The following ACACA variants were observed in gnomAD, a reference collection of about 807,000 sequenced individuals.
ACACA encodes acetyl-CoA carboxylase 1.
A neutral mutation model predicts 296.1 loss-of-function variants in ACACA; 103 were observed. That is an observed-to-expected ratio of 0.35 (90% CI 0.30 to 0.41). The LOEUF (loss-of-function observed/expected upper bound fraction) is 0.41. Among genes scored for constraint, ACACA ranks in the 10% least tolerant of loss-of-function variants. The pLI is 1.00. For synonymous variants in ACACA, 953 were observed against 1,038.6 expected (o/e 0.92, Z 1.58); for missense variants, 1,554 against 2,989.7 (o/e 0.52, Z 11.20).
chr17:37,251,805 C>T (rs1260126789), intron 16 of ACACA, among the ~76,000 whole-genome samples, 200 bp downstream of exon 16: 1 of 152,086 alleles, frequency 6.6e-6, no homozygotes, highest in Non-Finnish European at 1.5e-5. Context: ...AAGTTAATGT[C>T]TAGAATCTGC....
intron 3 of ACACA, among the ~76,000 whole-genome samples, chr17:37,309,999 A>AC (rs1567976780): frequency 6.6e-6 from 1 of 152,106 alleles, no homozygotes; most frequent in African/African-American, 2.4e-5. Flanking sequence ...TCCTGTTTGC[A>AC]CTACTCCAGC....
intron 42 of ACACA, among the ~76,000 whole-genome samples, chr17:37,160,237 A>C (rs1180676415): frequency 6.6e-6 from 1 of 152,250 alleles, no homozygotes; most frequent in Non-Finnish European, 1.5e-5. Context: ...GCTGATGCAC[A>C]AAAGAGCAGG....
chr17:37,368,546 A>C (rs866031893), intron 1 of ACACA, among the ~76,000 whole-genome samples: 4 of 152,134 alleles, frequency 2.6e-5, no homozygotes, highest in East Asian at 3.8e-4. Flanking sequence ...GCGCCATTGC[A>C]CTCCAGCCTG....
intron 51 of ACACA, among the ~76,000 whole-genome samples, chr17:37,112,683 C>CT (rs1054322536): frequency 6.6e-6 from 1 of 152,128 alleles, no homozygotes; most frequent in Non-Finnish European, 1.5e-5. Flanking sequence ...AAGGCTGAAT[C>CT]TGGGGGGACA....
At chr17:37,275,817 C>G in intron 8 of ACACA, 134 bp downstream of exon 8, 1 of 799,416 alleles carries the variant, frequency 1.3e-6, no homozygotes, top group Non-Finnish European at 2.2e-6. Flanking sequence ...AAGCTAGGAG[C>G]TACAAGGTAC....
chr17:37,238,299 T>TA (rs1414801500), intron 24 of ACACA, among the ~76,000 whole-genome samples: 2 of 148,022 alleles, frequency 1.4e-5, no homozygotes, highest in Admixed American at 6.8e-5. Context: ...TTTTTTTTTT[T>TA]AAATGAATAA....
At chr17:37,231,671 C>T (rs2079864703) in intron 25 of ACACA, among the ~76,000 whole-genome samples, 1 of 152,164 alleles carries the variant, frequency 6.6e-6, no homozygotes, top group African/African-American at 2.4e-5. Flanking sequence ...TGGTTTATAG[C>T]ATGTTCATGT....
intron 45 of ACACA, among the ~76,000 whole-genome samples, chr17:37,134,861 CTAGATAT>C (rs1237795594): frequency 6.6e-6 from 1 of 152,088 alleles, no homozygotes; most frequent in African/African-American, 2.4e-5. Flanking sequence ...ATCCATGATT[CTAGATAT>C]TAAAGTCACT....
At chr17:37,139,243 T>C (rs1310445485) in intron 45 of ACACA, among the ~76,000 whole-genome samples, 1 of 152,142 alleles carries the variant, frequency 6.6e-6, no homozygotes, top group Non-Finnish European at 1.5e-5. Flanking sequence ...CAGAGCTAAG[T>C]GGGCCCTTAG....
At chr17:37,275,188 T>C (rs150897962) in intron 8 of ACACA, among the ~76,000 whole-genome samples, 82 of 152,066 alleles carry the variant, frequency 5.4e-4, no homozygotes, top group African/African-American at 1.8e-3. Flanking sequence ...CATCAATAGA[T>C]TGTGGGTTGA....
intron 30 of ACACA, among the ~76,000 whole-genome samples, chr17:37,209,694 G>C (rs1034771271): frequency 1.3e-5 from 2 of 152,160 alleles, no homozygotes; most frequent in Admixed American, 6.5e-5. Context: ...TCTATAAATA[G>C]TTCCACGTGT....
chr17:37,151,447 A>G, intron 43 of ACACA, 26 bp from the exon 44 acceptor site: 1 of 1,612,584 alleles, frequency 6.2e-7, no homozygotes, highest in Non-Finnish European at 8.5e-7. Context: ...ATGTCAAATT[A>G]TGAATGTTAA....
intron 28 of ACACA, 79 bp from the exon 29 acceptor site, chr17:37,221,921 C>T: frequency 7.1e-6 from 9 of 1,268,192 alleles, no homozygotes; most frequent in Non-Finnish European, 8.0e-6. Context: ...AGTCTTGAAA[C>T]GAGGTATCTG....
intron 1 of ACACA, among the ~76,000 whole-genome samples, chr17:37,374,507 G>C (rs184542063): frequency 9.1e-4 from 138 of 152,030 alleles, no homozygotes; most frequent in Non-Finnish European, 1.5e-3. Context: ...GGCTGGTCTC[G>C]AACTCCCGAC....
chr17:37,260,905 C>A (rs2081487013), intron 11 of ACACA, among the ~76,000 whole-genome samples: 2 of 151,940 alleles, frequency 1.3e-5, no homozygotes, highest in South Asian at 2.1e-4. Context: ...GTTTTTTGGA[C>A]CTTTTTGTTA....
chr17:37,274,743 G>T, intron 8 of ACACA: 1 of 870,664 alleles, frequency 1.1e-6, no homozygotes, highest in Non-Finnish European at 1.4e-6. Flanking sequence ...ATGATTCCAT[G>T]CTCTCTGAAC....
intron 52 of ACACA, among the ~76,000 whole-genome samples, chr17:37,107,579 G>A (rs2073762729): frequency 6.6e-6 from 1 of 152,230 alleles, no homozygotes; most frequent in South Asian, 2.1e-4. Context: ...CAGCAGCAGT[G>A]CTCACTCAGT....
chr17:37,120,597 C>T (rs908999540), intron 50 of ACACA, among the ~76,000 whole-genome samples: 3 of 152,124 alleles, frequency 2.0e-5, no homozygotes, highest in African/African-American at 7.2e-5. Flanking sequence ...CAAATTCTCC[C>T]CAAGACAGAT....
intron 27 of ACACA, among the ~76,000 whole-genome samples, chr17:37,224,259 T>G (rs2079433502): frequency 6.6e-6 from 1 of 152,152 alleles, no homozygotes; most frequent in Admixed American, 6.5e-5. Flanking sequence ...AACCCTAGAT[T>G]TGAACTCCAG....
Sources: gnomAD v4.1 joint callset for allele counts (sites outside exome capture counted in the v4.1 genomes callset) on GRCh38, gnomAD v4.1.1 for gene constraint, MANE v1.5 for transcripts, NCBI Gene and HGNC (gene_info 2026-07-23, HGNC 2026-07-21) for gene names.